Variants in TNKS1BP1 observed in about 807,000 individuals in gnomAD.
The protein encoded by TNKS1BP1 is CCR4-NOT transcription complex subunit 12.
A neutral mutation model predicts 141.1 loss-of-function variants in TNKS1BP1; 48 were observed. The observed-to-expected ratio is 0.34, with a 90% confidence interval of 0.27 to 0.43. TNKS1BP1 has a LOEUF of 0.43. Among genes scored for constraint, TNKS1BP1 ranks in the 20% least tolerant of loss-of-function variants. The pLI, the probability that TNKS1BP1 is intolerant of heterozygous loss-of-function variation, is 1.00. For synonymous variants in TNKS1BP1, 875 were observed against 898.2 expected (o/e 0.97, Z 0.46); for missense variants, 2,149 against 2,226.0 (o/e 0.97, Z 0.70).
At chr11:57,320,748 G>A in intron 2 of TNKS1BP1, 36 bp from the exon 3 acceptor site, 1 of 1,509,736 alleles carries the variant, frequency 6.6e-7, no homozygotes. Flanking sequence ...GGAGCTGTCA[G>A]AAGAACCAGG....
At position 57,312,876 on chromosome 11, in the gene TNKS1BP1, G is replaced by A. The variant is rs373003076; in HGVS notation, c.1812C>T (p.Pro604=). ...GCAAGGCTGCCTCCCTGGTAGCCAG[G>A]GGGAGAGGGGACTCCTGTCCAGCCA... The part of the protein sequence containing the change: ...EPLAGQESPL[P]LATREAALPI... Residue 604 remains proline, a synonymous_variant, in exon 5 of 12, where the codon CCC becomes CCT. Transcript: ENST00000358252. 1.2e-6 allele frequency: 2 copies of A among 1,608,112 alleles called. No homozygotes were observed. Among genetic ancestry groups the A allele is most frequent in the African/African-American group, 2.7e-5 (2 of 74,874 alleles).
chr11:57,323,667 C>T (rs1049231734), intron 1 of TNKS1BP1, among the ~76,000 whole-genome samples: 2 of 152,184 alleles, frequency 1.3e-5, no homozygotes, highest in Admixed American at 1.3e-4. Context: ...CAGTTAACCA[C>T]CACGGAAGAC....
At position 57,308,788 on chromosome 11, in the gene TNKS1BP1, T is replaced by G. The variant is rs1855654403; in HGVS notation, c.3923A>C (p.Gln1308Pro). Reference sequence around the variant, plus strand: ...GCCCAGATTGTTACCCCAGTCCATCTGGCCCACCCCAAGCTCTTTGGACTC... The same window carrying G: ...GCCCAGATTGTTACCCCAGTCCATCGGGCCCACCCCAAGCTCTTTGGACTC... ...PGESKELGVG[Q>P]MDWGNNLGLR... Residue 1308 changes from glutamine (Q) to proline (P), a missense_variant, in exon 6 of 12, where the codon CAG becomes CCG. Coordinates refer to ENST00000358252, the MANE Select transcript of TNKS1BP1 (RefSeq NM_033396.3). The G allele has an allele frequency of 2.5e-6, 4 of 1,614,082 alleles. No individual in the cohort carries two copies. The highest frequency in any genetic ancestry group is 3.4e-6 in the Non-Finnish European group (4 of 1,179,992).
Position 57,300,517 on chromosome 11 carries a change from C to A in TNKS1BP1, c.*12+11G>T, listed in dbSNP as rs773440908. 3 of 1,614,054 alleles carry A rather than the reference C, an allele frequency of 1.9e-6. No homozygotes were observed. Among genetic ancestry groups the A allele is most frequent in the South Asian group, 1.1e-5 (1 of 91,088 alleles). On this transcript the variant is annotated intron_variant, in intron 11 of 11. Transcript: ENST00000358252. ...CTCAGACTGGATCCAAGCCCAGGAA[C>A]CTGTCCTCACCTCAGTGACTTCTCA...
In TNKS1BP1 at chr11:57,313,814, C is replaced by T. The variant is rs146309446; in HGVS notation, c.874G>A (p.Ala292Thr). The T allele has an allele frequency of 1.2e-5, 19 of 1,559,998 alleles. No individual in the cohort carries two copies. Among genetic ancestry groups the T allele is most frequent in the African/African-American group, 8.2e-5 (6 of 73,100 alleles). ...NGGPASPGLP[A>T]EASGSGPGSP... ...CCAGGGCCTGAGCCTGAGGCTTCTGCGGGGAGGCCTGGGCTGGCAGGGCCT... is the reference window on the plus strand; with the variant it reads ...CCAGGGCCTGAGCCTGAGGCTTCTGTGGGGAGGCCTGGGCTGGCAGGGCCT... Residue 292 changes from alanine to threonine, a missense_variant, in exon 5 of 12, where the codon GCA (alanine) becomes ACA (threonine). Transcript: ENST00000358252.
At chr11:57,304,484 G>T (rs992853736) in intron 6 of TNKS1BP1, among the ~76,000 whole-genome samples, 1 of 152,170 alleles carries the variant, frequency 6.6e-6, no homozygotes, top group African/African-American at 2.4e-5. Flanking sequence ...TTGGAGGGAG[G>T]GGGTGGCAAC....
chr11:57,314,831 TC>T (rs1345513757), intron 4 of TNKS1BP1, among the ~76,000 whole-genome samples: 1 of 152,130 alleles, frequency 6.6e-6, no homozygotes, highest in Admixed American at 6.5e-5. Flanking sequence ...TCGTTAATTC[TC>T]CCACATCATC....
chr11:57,304,464 C>A (rs972194667), intron 6 of TNKS1BP1, among the ~76,000 whole-genome samples: 2 of 152,166 alleles, frequency 1.3e-5, no homozygotes, highest in African/African-American at 4.8e-5. Context: ...AGCTTAAAAT[C>A]AGGGAGAATT....
In TNKS1BP1 at chr11:57,310,028, C is replaced by G. The variant is rs761195422; in HGVS notation, c.2683G>C (p.Gly895Arg). Residue 895 changes from glycine to arginine, a missense_variant, in exon 6 of 12, where the codon GGT becomes CGT. By Grantham distance (125) the Gly-to-Arg change is moderately radical. Coordinates refer to ENST00000358252, the MANE Select transcript of TNKS1BP1 (RefSeq NM_033396.3). ...TTGGCATCTTGGCTGGCATAAGCAC[C>G]CAGAGAATCTCTCTTCCCAAATTCC... is the stretch of plus-strand genomic sequence containing the variant. ...DWEFGKRDSL[G>R]AYASQDANEQ... The G allele has an allele frequency of 6.2e-7, 1 of 1,614,164 alleles. No homozygotes were observed. Among genetic ancestry groups the G allele is most frequent in the Non-Finnish European group, 8.5e-7 (1 of 1,180,040 alleles).
intron 5 of TNKS1BP1, among the ~76,000 whole-genome samples, chr11:57,312,151 G>A (rs1855722409): frequency 6.6e-6 from 1 of 152,158 alleles, no homozygotes. Context: ...TGCCTTGAAC[G>A]ATATTCCCAT....
Position 57,302,149 on chromosome 11 carries a change from C to T in TNKS1BP1, c.4759G>A (p.Val1587Ile). Residue 1587 changes from valine (V) to isoleucine (I), a missense_variant, in exon 8 of 12, where the codon GTC becomes ATC. Physicochemically the swap from Val to Ile is conservative, Grantham distance 29. Coordinates refer to ENST00000358252, the MANE Select transcript of TNKS1BP1 (RefSeq NM_033396.3). This position sits in a 1 kb window ranked among gnomAD's most constrained non-coding sequence, Gnocchi z 5.5. ...LGRKRGHRAP[V>I]IRPGGTLGLS... Reference sequence around the variant, plus strand: ...CCCAAGGTACCCCCAGGCCGAATGACCGGGGCCCGGTGCCCACGCTTGCGC... The same window carrying T: ...CCCAAGGTACCCCCAGGCCGAATGATCGGGGCCCGGTGCCCACGCTTGCGC... 6.2e-7 allele frequency: 1 copy of T among 1,613,788 alleles called. No individual in the cohort carries two copies. Among genetic ancestry groups the T allele is most frequent in the Non-Finnish European group, 8.5e-7 (1 of 1,180,002 alleles).
Position 57,310,271 on chromosome 11 carries a change from C to T in TNKS1BP1, c.2440G>A (p.Ala814Thr), listed in dbSNP as rs1180799705. Reference sequence around the variant, plus strand: ...TCCTGGGCTGTGAGCACCCCTGGGGCAGACACTTTACTCTGGTCTTGGCTG... The same window carrying T: ...TCCTGGGCTGTGAGCACCCCTGGGGTAGACACTTTACTCTGGTCTTGGCTG... ...SSSQDQSKVS[A>T]PGVLTAQDRV... Residue 814 changes from alanine to threonine, a missense_variant, in exon 6 of 12, where the codon GCC (alanine) becomes ACC (threonine). Coordinates refer to ENST00000358252, the MANE Select transcript of TNKS1BP1 (RefSeq NM_033396.3). 6.2e-7 allele frequency: 1 copy of T among 1,613,968 alleles called. No individual in the cohort carries two copies. The highest frequency in any genetic ancestry group is 1.7e-5 in the Admixed American group (1 of 60,006).
chr11:57,306,780 A>G (rs1855617756), intron 6 of TNKS1BP1, among the ~76,000 whole-genome samples: 1 of 151,920 alleles, frequency 6.6e-6, no homozygotes, highest in African/African-American at 2.4e-5. Context: ...CTCTTCCCCT[A>G]ACCTAGTCCC....
In TNKS1BP1 at chr11:57,317,812, A is replaced by T. The variant is rs1371252399; in HGVS notation, c.798+6T>A. The T allele has an allele frequency of 1.2e-6, 2 of 1,613,344 alleles. No homozygotes were observed. Among genetic ancestry groups the T allele is most frequent in the South Asian group, 2.2e-5 (2 of 91,044 alleles). ...GATTCTGATTCATAACTGGAGGATA[A>T]CTCACATCAGCAGGTAGCTCCGAGC... On this transcript the variant is annotated splice_donor_region_variant and intron_variant, in intron 4 of 11. Transcript: ENST00000358252.
Position 57,302,602 on chromosome 11 carries a change from C to T in TNKS1BP1, c.4540G>A (p.Glu1514Lys), listed in dbSNP as rs756607160. 6.2e-7 allele frequency: 1 copy of T among 1,612,944 alleles called. No homozygotes were observed. The highest frequency in any genetic ancestry group is 8.5e-7 in the Non-Finnish European group (1 of 1,179,902). The stretch of plus-strand genomic sequence containing the variant: ...TCCACGTCTTCTGTCTGGCTGGCCT[C>T]ACCATCAGGCTGCGGCCTCCAGGAG... ...PPSWRPQPDG[E>K]ASQTEDVDGT... Residue 1514 changes from glutamate to lysine, a missense_variant, in exon 7 of 12, where the codon GAG (glutamate) becomes AAG (lysine). By Grantham distance (56) the Glu-to-Lys change is moderately conservative. Transcript: ENST00000358252. This position sits in a 1 kb window ranked among gnomAD's most constrained non-coding sequence, Gnocchi z 5.5.
chr11:57,322,370 A>G (rs1017659971), intron 1 of TNKS1BP1: 19 of 969,454 alleles, frequency 2.0e-5, no homozygotes, highest in East Asian at 1.1e-4. Flanking sequence ...CTCCTCCCCA[A>G]CCTGGGCTCC....
intron 5 of TNKS1BP1, among the ~76,000 whole-genome samples, chr11:57,311,059 C>T (rs1404481888): frequency 6.6e-6 from 1 of 152,174 alleles, no homozygotes; most frequent in Non-Finnish European, 1.5e-5. Context: ...CCCCATCCTC[C>T]TATAAGTACC....
intron 5 of TNKS1BP1, among the ~76,000 whole-genome samples, chr11:57,310,974 G>A (rs912498659): frequency 2.0e-5 from 3 of 152,140 alleles, no homozygotes; most frequent in Non-Finnish European, 4.4e-5. Context: ...GCCTCTCTGC[G>A]ACTTCCCTTG....
chr11:57,310,609 G>T, intron 5 of TNKS1BP1, 53 bp from the exon 6 acceptor site: 1 of 1,554,092 alleles, frequency 6.4e-7, no homozygotes, highest in South Asian at 1.2e-5. Context: ...ATTCCATCAG[G>T]GTGGGAGTCA....
Sources: allele counts gnomAD v4.1 joint callset (sites outside exome capture counted in the v4.1 genomes callset), GRCh38; gene constraint gnomAD v4.1.1; non-coding constraint Gnocchi (gnomAD v3.1); transcripts MANE v1.5; gene names NCBI Gene and HGNC (gene_info 2026-07-23, HGNC 2026-07-21).